Variants in SEM1 observed in about 807,000 individuals in gnomAD.
SEM1 encodes 26S proteasome complex subunit SEM1.
A neutral mutation model predicts 12.7 loss-of-function variants in SEM1; 3 were observed. The observed-to-expected ratio is 0.24, with a 90% confidence interval of 0.11 to 0.61. The LOEUF is 0.61. Ranked by LOEUF, SEM1 falls within the 20% of genes least tolerant of loss-of-function variation. The pLI is 0.88. For synonymous variants in SEM1, 30 were observed against 27.8 expected (o/e 1.08, Z -0.25); for missense variants, 59 against 81.3 (o/e 0.73, Z 1.06).
chr7:96,578,289 A>G (rs1316117052), intron 2 of SEM1, among the ~76,000 whole-genome samples: 1 of 152,126 alleles, frequency 6.6e-6, no homozygotes, highest in East Asian at 1.9e-4. Flanking sequence ...TAAAGGAAAA[A>G]AAAAAAGACA....
intron 2 of SEM1, among the ~76,000 whole-genome samples, chr7:96,679,965 T>C (rs1789557436): frequency 1.3e-5 from 2 of 152,172 alleles, no homozygotes; most frequent in Non-Finnish European, 1.5e-5. Flanking sequence ...TGCCAGCGAC[T>C]GTAATTCTGT....
chr7:96,498,493 T>G (rs2117253351), upstream of SEM1, among the ~76,000 whole-genome samples: 1 of 152,306 alleles, frequency 6.6e-6, no homozygotes, highest in South Asian at 2.1e-4. Flanking sequence ...ATTGAACTTA[T>G]TTCTATTCTG....
intron 1 of SEM1, among the ~76,000 whole-genome samples, chr7:96,492,596 T>C: frequency 7.1e-6 from 1 of 141,510 alleles, no homozygotes; most frequent in Non-Finnish European, 1.5e-5. Context: ...TTTTTTTTTT[T>C]TTTTTTTTTT....
At chr7:96,647,936 T>C (rs1437444784) in intron 2 of SEM1, among the ~76,000 whole-genome samples, 1 of 152,218 alleles carries the variant, frequency 6.6e-6, no homozygotes, top group Non-Finnish European at 1.5e-5. Context: ...TTTGTGCCAG[T>C]GAAATTTTTG....
At chr7:96,564,046 A>G (rs1022633628) in intron 2 of SEM1, among the ~76,000 whole-genome samples, 5 of 152,226 alleles carry the variant, frequency 3.3e-5, no homozygotes, top group African/African-American at 1.2e-4. Context: ...GTATATATAA[A>G]ATAGACATTA....
At chr7:96,648,290 G>A (rs1808866667) in intron 2 of SEM1, among the ~76,000 whole-genome samples, 1 of 152,110 alleles carries the variant, frequency 6.6e-6, no homozygotes, top group Non-Finnish European at 1.5e-5. Flanking sequence ...GTTAGTTCTG[G>A]ACATAGAAAG....
At chr7:96,601,035 G>A (rs1278339029) in intron 2 of SEM1, among the ~76,000 whole-genome samples, 1 of 152,166 alleles carries the variant, frequency 6.6e-6, no homozygotes, top group African/African-American at 2.4e-5. Flanking sequence ...GGATGAAGGG[G>A]CTGCTCTGCT....
At chr7:96,706,586 AAAAAAAAAAG>A (rs372041817) in intron 1 of SEM1, among the ~76,000 whole-genome samples, 5,957 of 148,320 alleles carry the variant, frequency 0.04, 72 homozygotes, top group South Asian at 0.075. Context: ...AAAAAAAAAA[AAAAAAAAAAG>A]AGAGAGAGAA....
At chr7:96,621,642 G>A (rs1209231664), downstream of SEM1, 2 of 152,118 alleles carry the variant, frequency 1.3e-5, no homozygotes, top group African/African-American at 4.8e-5. Context: ...TAATAAATGA[G>A]TGGGCAACAA....
At chr7:96,622,687 C>T in intron 2 of SEM1, 2 of 755,310 alleles carry the variant, frequency 2.6e-6, no homozygotes, top group Non-Finnish European at 4.8e-6. Flanking sequence ...TTTTCAAACA[C>T]CTATTAGCCT....
chr7:96,599,802 C>T (rs750309629), intron 2 of SEM1, among the ~76,000 whole-genome samples: 4 of 152,162 alleles, frequency 2.6e-5, no homozygotes, highest in Non-Finnish European at 5.9e-5. Context: ...TGACTTAAGC[C>T]CTGGCTCTGC....
At chr7:96,514,031 T>C (rs1804012542) in intron 2 of SEM1, among the ~76,000 whole-genome samples, 2 of 152,222 alleles carry the variant, frequency 1.3e-5, no homozygotes, top group South Asian at 4.1e-4. Flanking sequence ...TATAGATTTA[T>C]CAGATGATTC....
At chr7:96,492,200 G>T (rs1359045682) in intron 1 of SEM1, among the ~76,000 whole-genome samples, 2 of 152,058 alleles carry the variant, frequency 1.3e-5, no homozygotes, top group African/African-American at 4.8e-5. Flanking sequence ...TTTCCAAACT[G>T]AATTCTGTAC....
intron 2 of SEM1, among the ~76,000 whole-genome samples, chr7:96,485,171 A>G (rs1802702420): frequency 6.6e-6 from 1 of 152,188 alleles, no homozygotes; most frequent in Non-Finnish European, 1.5e-5. Context: ...TATTAAGTCT[A>G]GGCAAAATTT....
Position 96,709,736 on chromosome 7 carries a change from A to T in SEM1, c.28T>A (p.Leu10Ile). 6.2e-7 allele frequency: 1 copy of T among 1,613,900 alleles called. No individual in the cohort carries two copies. Among genetic ancestry groups the T allele is most frequent in the Non-Finnish European group, 8.5e-7 (1 of 1,179,914 alleles). Residue 10 changes from leucine to isoleucine, a missense_variant, in exon 1 of 3, where the codon TTA becomes ATA. Transcript: ENST00000248566. MSEKKQPVD[L>I]GLLEEDDEFE... is the part of the protein sequence containing the mutation. ...TCGTCGTCTTCCTCTAACAGACCTA[A>T]GTCTACCGGCTGCTTTTTCTCTGAC...
At chr7:96,531,306 C>A (rs959258123) in intron 2 of SEM1, among the ~76,000 whole-genome samples, 2 of 151,702 alleles carry the variant, frequency 1.3e-5, no homozygotes, top group South Asian at 2.1e-4. Flanking sequence ...CAGTGGCTCA[C>A]GCCTGTAATC....
intron 2 of SEM1, among the ~76,000 whole-genome samples, chr7:96,629,034 T>C (rs938851038): frequency 6.6e-6 from 1 of 152,192 alleles, no homozygotes; most frequent in African/African-American, 2.4e-5. Flanking sequence ...CCATTGTATG[T>C]TGTTTGTTTC....
chr7:96,542,407 A>G (rs1197847538), intron 2 of SEM1, among the ~76,000 whole-genome samples: 1 of 151,800 alleles, frequency 6.6e-6, no homozygotes, highest in Non-Finnish European at 1.5e-5. Context: ...CTTGAATATT[A>G]CTGGTGTATA....
intron 2 of SEM1, among the ~76,000 whole-genome samples, chr7:96,556,962 C>G (rs1216448542): frequency 2.0e-5 from 3 of 149,924 alleles, no homozygotes; most frequent in Non-Finnish European, 3.0e-5. Flanking sequence ...TGCTGATACC[C>G]TTTCTTCCAG....
Sources: gnomAD v4.1 joint callset for allele counts (sites outside exome capture counted in the v4.1 genomes callset) on GRCh38, gnomAD v4.1.1 for gene constraint, MANE v1.5 for transcripts, NCBI Gene and HGNC (gene_info 2026-07-23, HGNC 2026-07-21) for gene names.